Variants in CAPRIN2 observed in about 807,000 individuals in gnomAD.
CAPRIN2 encodes the protein caprin family member 2.
CAPRIN2 carries 66 observed loss-of-function variants against 130.4 expected under a neutral mutation model. The observed-to-expected ratio is 0.51, with a 90% confidence interval of 0.42 to 0.62. CAPRIN2 has a LOEUF of 0.62. Among genes scored for constraint, CAPRIN2 ranks in the 20% least tolerant of loss-of-function variants. CAPRIN2 has a pLI of 0.00. For synonymous variants in CAPRIN2, 471 were observed against 444.1 expected, an observed-to-expected ratio of 1.06 and a Z score of -0.76; for missense variants, 1,185 against 1,246.6, an observed-to-expected ratio of 0.95 and a Z score of 0.74.
chr12:30,731,260 A>T, intron 6 of CAPRIN2, 83 bp downstream of exon 7: 1 of 1,002,142 alleles, frequency 1.0e-6, no homozygotes, highest in South Asian at 1.8e-5. Context: ...AATTAAAATA[A>T]GGCAATCACT....
rs527813845 is a variant in CAPRIN2, at chr12:30,728,508, T to G, written c.1782+140A>C. On this transcript the variant is annotated intron_variant, in intron 8 of 16. Transcript: ENST00000298892. ...AGGCGGAGGTTACAGTGAGCAGAGA[T>G]AGTGCCACTGCACTCCAGCCTGGGT... 2.6e-4 allele frequency: 173 copies of G among 663,620 alleles called. 2 individuals are homozygous for G. The South Asian group carries it at 3.4e-3, about 13-fold the overall frequency. The allele number at this position is 663,620 out of a possible 1,614,324, so 41.1% of individuals were successfully genotyped here.
rs1000583436 is a variant in CAPRIN2 at position 30,734,548 on chromosome 12, C to A, written c.809+420G>T. Among the ~76,000 whole-genome samples the A allele has an allele frequency of 2.0e-5, 3 of 152,074 alleles. No homozygotes were observed. The East Asian group carries it at 5.8e-4, about 29-fold the overall frequency. ...TTGTTACTTTGAAAGTTTAATGACACCAGCCAAGTTAAATATTATTTACCT... is the reference window on the plus strand; with the variant it reads ...TTGTTACTTTGAAAGTTTAATGACAACAGCCAAGTTAAATATTATTTACCT... On this transcript the variant is annotated intron_variant, in intron 4 of 16. Coordinates refer to ENST00000298892, the Ensembl canonical transcript of CAPRIN2.
chr12:30,729,282 T>C (rs542771269), exon 8 of CAPRIN2: 2 of 1,595,986 alleles, frequency 1.3e-6, no homozygotes, highest in Admixed American at 1.8e-5. Context: ...TTCGCCTTGT[T>C]TGTTTGAATA....
Position 30,710,359 on chromosome 12 carries a change from G to T in CAPRIN2, c.2777C>A (p.Pro926Gln). 1 of 1,614,132 alleles carries T rather than the reference G, an allele frequency of 6.2e-7. No individual in the cohort carries two copies. Among genetic ancestry groups the T allele is most frequent in the African/African-American group, 1.3e-5 (1 of 75,028 alleles). The change falls in exon 17 of 17, where the codon CCA becomes CAA. Residue 926 changes from proline (P) to glutamine (Q), a missense_variant. By Grantham distance (76) the Pro-to-Gln change is moderately conservative. Around this residue, in one of 2 missense-constraint regions of CAPRIN2, gnomAD observed 1,104 missense variants for 1,104.3 expected, o/e 1.00. Transcript: ENST00000298892. The surrounding 1 kb of genome is among the most constrained non-coding windows in gnomAD (Gnocchi z 4.8). ...TATGGTGGCTGCTGGATTTGTCACT[G>T]GCACATCCACAGGGGTCATGCTACG...
exon 17 of CAPRIN2, chr12:30,709,881 T>C (rs1208500830): frequency 3.2e-6 from 5 of 1,574,094 alleles, no homozygotes; most frequent in African/African-American, 2.7e-5. Context: ...CATCCTTTTA[T>C]TGTCAATACT....
At chr12:30,753,199 C>T in intron 1 of CAPRIN2, 145 bp downstream of exon 2, 15 of 625,004 alleles carry the variant, frequency 2.4e-5, no homozygotes, top group South Asian at 4.8e-5. Context: ...TTAATATTTC[C>T]AACACGTAAC....
intron 3 of CAPRIN2, among the ~76,000 whole-genome samples, chr12:30,740,327 GATTA>G (rs2066869931): frequency 1.3e-5 from 2 of 151,958 alleles, no homozygotes; most frequent in African/African-American, 4.8e-5. Flanking sequence ...AAATAGAAGA[GATTA>G]TCTTATGAGG....
intron 15 of CAPRIN2, among the ~76,000 whole-genome samples, chr12:30,713,501 C>T (rs2065182770): frequency 6.6e-6 from 1 of 152,148 alleles, no homozygotes; most frequent in Admixed American, 6.6e-5. Context: ...ACCTCTGAAC[C>T]CATTTCTCCT....
At chr12:30,747,428 A>G (rs776069418) in intron 2 of CAPRIN2, among the ~76,000 whole-genome samples, 1 of 152,196 alleles carries the variant, frequency 6.6e-6, no homozygotes, top group Non-Finnish European at 1.5e-5. Flanking sequence ...CTGTAATCCC[A>G]GCACTTTGGG....
chr12:30,722,261 T>C (rs528633745), intron 11 of CAPRIN2, among the ~76,000 whole-genome samples: 3 of 152,180 alleles, frequency 2.0e-5, no homozygotes, highest in African/African-American at 4.8e-5. Context: ...AACATGATAT[T>C]TGAAACCAAT....
At chr12:30,719,510 C>T (rs575741495) in intron 12 of CAPRIN2, 1 of 298,358 alleles carries the variant, frequency 3.4e-6, no homozygotes, top group East Asian at 5.8e-5. Flanking sequence ...TTTTCAAACC[C>T]TGAAATGGTA....
intron 15 of CAPRIN2, among the ~76,000 whole-genome samples, chr12:30,712,897 C>T (rs1443210176): frequency 2.6e-5 from 4 of 152,114 alleles, no homozygotes; most frequent in Middle Eastern, 3.4e-3. Flanking sequence ...TGTGCCACCA[C>T]GTCCGGCTAA....
chr12:30,725,977 T>C, exon 9 of CAPRIN2: 1 of 1,591,240 alleles, frequency 6.3e-7, no homozygotes, highest in Non-Finnish European at 8.5e-7. Flanking sequence ...TGCATAAAGT[T>C]ACAAGTTCCT....
At chr12:30,732,765 A>G (rs556125813) in intron 5 of CAPRIN2, among the ~76,000 whole-genome samples, 1 of 152,106 alleles carries the variant, frequency 6.6e-6, no homozygotes, top group Non-Finnish European at 1.5e-5. Context: ...CTGCATGGGT[A>G]TACCACATTT....
exon 7 of CAPRIN2, chr12:30,730,258 G>C: frequency 6.2e-7 from 1 of 1,611,332 alleles, no homozygotes; most frequent in Admixed American, 1.7e-5. Flanking sequence ...TTGTATCTCT[G>C]GCTGGGCAAA....
At chr12:30,727,324 C>A (rs190408700) in intron 8 of CAPRIN2, among the ~76,000 whole-genome samples, 116 of 152,210 alleles carry the variant, frequency 7.6e-4, no homozygotes, top group African/African-American at 2.7e-3. Flanking sequence ...GAAAGGAGAG[C>A]AAAATAGCCA....
At chr12:30,751,108 C>T in exon 2 of CAPRIN2, 4 of 1,613,818 alleles carry the variant, frequency 2.5e-6, no homozygotes, top group Admixed American at 1.7e-5. Context: ...ACTTTTCAGG[C>T]GATCCTTATA....
At chr12:30,736,659 T>TA (rs1403258265) in intron 3 of CAPRIN2, among the ~76,000 whole-genome samples, 2 of 152,172 alleles carry the variant, frequency 1.3e-5, no homozygotes, top group Non-Finnish European at 2.9e-5. Context: ...GAATGAGAAA[T>TA]AGACTGGTTG....
At chr12:30,735,019 T>C (rs765172983) in exon 4 of CAPRIN2, 1 of 1,614,134 alleles carries the variant, frequency 6.2e-7, no homozygotes, top group East Asian at 2.2e-5. Flanking sequence ...CTTAATGAGG[T>C]AGTCAAGTTC....
Sources: gnomAD v4.1 joint callset for allele counts (sites outside exome capture counted in the v4.1 genomes callset) on GRCh38, gnomAD v4.1.1 for gene constraint, gnomAD v4.1.1 regional missense constraint, Gnocchi (gnomAD v3.1) non-coding constraint, MANE v1.5 for transcripts, NCBI Gene and HGNC (gene_info 2026-07-23, HGNC 2026-07-21) for gene names.